KIAA1217: variants seen among roughly 807,000 people sequenced by gnomAD.
KIAA1217 encodes KIAA1217.
KIAA1217 carries 88 observed loss-of-function variants against 163.9 expected under a neutral mutation model. The ratio of observed to expected loss-of-function variants is 0.54; its 90% CI spans 0.45 to 0.64. KIAA1217 has a LOEUF of 0.64. KIAA1217 is among the 30% of genes least tolerant of loss of function. KIAA1217 has a pLI of 0.00. For synonymous variants in KIAA1217, 903 were observed against 923.1 expected (o/e 0.98, Z 0.39); for missense variants, 2,372 against 2,475.0 (o/e 0.96, Z 0.88).
chr10:24,068,127 C>T (rs1589378174), intron 2 of KIAA1217, among the ~76,000 whole-genome samples: 1 of 152,346 alleles, frequency 6.6e-6, no homozygotes, highest in African/African-American at 2.4e-5. Context: ...TCCGCTCATG[C>T]ATGGTGCACT....
chr10:24,544,340 T>C lies in KIAA1217; in HGVS notation c.5070T>C (p.Asp1690=). 1.2e-6 allele frequency: 2 copies of C among 1,614,168 alleles called. No individual in the cohort carries two copies. Among genetic ancestry groups the C allele is most frequent in the Non-Finnish European group, 1.7e-6 (2 of 1,180,026 alleles). Residue 1690 remains aspartate, a synonymous_variant, in exon 19 of 21, where the codon GAT becomes GAC. Transcript: ENST00000376454. ...ISEMSPKALV[D]TSCSSNRDSV... is the part of the protein sequence containing the mutation. ...AAATGAGTCCCAAAGCCCTAGTTGATACCTCATGTTCTTCCAACAGAGATT... is the reference window on the plus strand; with the variant it reads ...AAATGAGTCCCAAAGCCCTAGTTGACACCTCATGTTCTTCCAACAGAGATT...
At chr10:24,161,669 G>C (rs2065126584) in intron 2 of KIAA1217, among the ~76,000 whole-genome samples, 1 of 152,216 alleles carries the variant, frequency 6.6e-6, no homozygotes, top group African/African-American at 2.4e-5. Flanking sequence ...AGTCTAGGTT[G>C]AGTTGACGCT....
chr10:23,853,416 CA>C (rs573086596), intron 1 of KIAA1217, among the ~76,000 whole-genome samples: 43 of 152,230 alleles, frequency 2.8e-4, no homozygotes, highest in African/African-American at 1.0e-3. Flanking sequence ...TTCGGTTTGT[CA>C]GTATTTTATT....
Position 24,088,256 on chromosome 10 carries a change from C to CATATAT in KIAA1217, c.-171+80896_-171+80901dup, listed in dbSNP as rs758367708. Among the ~76,000 whole-genome samples the CATATAT allele has an allele frequency of 2.0e-4, 19 of 95,858 alleles. 3 individuals carry two copies. Among genetic ancestry groups the CATATAT allele is most frequent in the African/African-American group, 4.7e-4 (14 of 29,808 alleles). 62.9% of individuals were successfully genotyped at this position (95,858 alleles called of 152,430 possible). A position where few individuals can be genotyped will look rare whatever the true frequency, so the allele number is the denominator to read the frequency against. On this transcript the variant is annotated intron_variant, in intron 2 of 18. Transcript: ENST00000376462. The stretch of plus-strand genomic sequence containing the variant: ...TCCCAGGCTCTGTTTTTTTAATATA[C>CATATAT]ATATATATATATATATATACACACA...
rs1837353561 is a variant in KIAA1217, at chr10:23,713,002, A to G, written c.-321+17768A>G. Among the ~76,000 whole-genome samples, 4 of 152,222 alleles carry G rather than the reference A, an allele frequency of 2.6e-5. No individual in the cohort carries two copies. In the South Asian group the frequency reaches 8.3e-4, roughly 32 times the overall value. Reference sequence around the variant, plus strand: ...AATGCGGCTTGCAGGCATTTGGTTCAGTGTGGAGTCTCAGAGGGTGAAAGT... The same window carrying G: ...AATGCGGCTTGCAGGCATTTGGTTCGGTGTGGAGTCTCAGAGGGTGAAAGT... On this transcript the variant is annotated intron_variant, in intron 1 of 18. Coordinates refer to the KIAA1217 transcript ENST00000376462.
intron 1 of KIAA1217, among the ~76,000 whole-genome samples, chr10:23,883,611 T>A (rs1288238579): frequency 2.0e-5 from 3 of 151,966 alleles, no homozygotes; most frequent in Non-Finnish European, 4.4e-5. Context: ...TTAAAATCAA[T>A]GAACCTACAT....
chr10:23,845,050 C>G (rs1354131796), intron 1 of KIAA1217, among the ~76,000 whole-genome samples: 1 of 152,154 alleles, frequency 6.6e-6, no homozygotes, highest in African/African-American at 2.4e-5. Flanking sequence ...ATCCATGTCC[C>G]TGCAAAGAAC....
At chr10:23,948,014 G>A (rs887425589) in intron 1 of KIAA1217, among the ~76,000 whole-genome samples, 4 of 152,132 alleles carry the variant, frequency 2.6e-5, no homozygotes, top group Non-Finnish European at 4.4e-5. Context: ...AATCTGATAT[G>A]TTATCTGAGT....
Position 24,524,747 on chromosome 10 carries a change from AGGG to A in KIAA1217, c.2882_2884del (p.Arg961_Ala962delinsThr). ...AATCCACAGTGTGAGTGCCAAGAAC[AGGG>A]CAGTGTCTATCGAGGTAGAGTCCTA... is the stretch of plus-strand genomic sequence containing the variant. On this transcript the variant is annotated inframe_deletion, in exon 13 of 21. Transcript: ENST00000376454. 6.3e-7 allele frequency: 1 copy of A among 1,596,710 alleles called. No homozygotes were observed. The highest frequency in any genetic ancestry group is 8.6e-7 in the Non-Finnish European group (1 of 1,167,188).
chr10:23,704,314 T>C (rs1836738329), intron 1 of KIAA1217, among the ~76,000 whole-genome samples: 2 of 149,168 alleles, frequency 1.3e-5, no homozygotes, highest in East Asian at 3.9e-4. Context: ...ATTCTTATAG[T>C]GTACAATTCA....
rs201363127 is a variant in KIAA1217 at position 24,457,364 on chromosome 10, A to G, written c.847-15864A>G. Among the ~76,000 whole-genome samples, 12 of 129,050 alleles carry G rather than the reference A, an allele frequency of 9.3e-5. No homozygotes were observed. In the East Asian group the frequency reaches 1.7e-3, roughly 18 times the overall value. 84.7% of individuals were successfully genotyped at this position (129,050 alleles called of 152,430 possible). A position where few individuals can be genotyped will look rare whatever the true frequency, so the allele number is the denominator to read the frequency against. ...TTGTTTTGTGTGTGTGTGTGTGTGTATGTGTGTGTGGGTGGCGGGGTTTGG... is the reference window on the plus strand; with the variant it reads ...TTGTTTTGTGTGTGTGTGTGTGTGTGTGTGTGTGTGGGTGGCGGGGTTTGG... On this transcript the variant is annotated intron_variant, in intron 5 of 20. Coordinates refer to ENST00000376454, the MANE Select transcript of KIAA1217 (RefSeq NM_019590.5).
chr10:24,209,563 AAGC>A (rs2067809416), intron 1 of KIAA1217, among the ~76,000 whole-genome samples: 1 of 152,180 alleles, frequency 6.6e-6, no homozygotes, highest in Non-Finnish European at 1.5e-5. Flanking sequence ...ATAAATCACT[AAGC>A]AGCTTTTAAT....
chr10:23,854,453 G>A (rs775012217), intron 1 of KIAA1217, among the ~76,000 whole-genome samples: 8 of 152,170 alleles, frequency 5.3e-5, no homozygotes, highest in East Asian at 3.9e-4. Flanking sequence ...CAATTTTGGA[G>A]TAGGTGTGGT....
At chr10:24,327,445 C>T (rs2045065761) in intron 2 of KIAA1217, among the ~76,000 whole-genome samples, 1 of 152,084 alleles carries the variant, frequency 6.6e-6, no homozygotes, top group Admixed American at 6.6e-5. Flanking sequence ...TGCTATGTGC[C>T]TGACATGTAT....
intron 1 of KIAA1217, among the ~76,000 whole-genome samples, chr10:23,777,126 G>A (rs958005512): frequency 6.6e-6 from 1 of 152,210 alleles, no homozygotes; most frequent in South Asian, 2.1e-4. Flanking sequence ...TCAGTGAAAA[G>A]CTGGGAATAG....
intron 1 of KIAA1217, among the ~76,000 whole-genome samples, chr10:23,769,956 C>T (rs1345444886): frequency 6.6e-6 from 1 of 152,186 alleles, no homozygotes; most frequent in African/African-American, 2.4e-5. Flanking sequence ...GGACTCAGTT[C>T]CCTTTTAACT....
intron 2 of KIAA1217, among the ~76,000 whole-genome samples, chr10:24,188,511 C>G (rs772206104): frequency 1.3e-5 from 2 of 152,142 alleles, no homozygotes; most frequent in Non-Finnish European, 2.9e-5. Flanking sequence ...ACACCTGATT[C>G]AGTGATTATT....
chr10:24,046,853 T>A (rs1040235607), intron 2 of KIAA1217, among the ~76,000 whole-genome samples: 6 of 152,294 alleles, frequency 3.9e-5, no homozygotes, highest in African/African-American at 1.4e-4. Flanking sequence ...TACTTGCACA[T>A]TTCACCGTGA....
rs180889915 is a variant in KIAA1217 at position 24,467,049 on chromosome 10, T to G, written c.847-6179T>G. On this transcript the variant is annotated intron_variant, in intron 5 of 20. Coordinates refer to ENST00000376454, the MANE Select transcript of KIAA1217 (RefSeq NM_019590.5). Reference sequence around the variant, plus strand: ...TTAAACAAATATTTTTTATACTAGGTTTTTTTTTTCTGGAAACAATTTTAA... The same window carrying G: ...TTAAACAAATATTTTTTATACTAGGGTTTTTTTTTCTGGAAACAATTTTAA... 5.9e-5 allele frequency among the ~76,000 whole-genome samples: 7 copies of G among 119,084 alleles called. No homozygotes were observed. The East Asian group carries it at 1.7e-3, about 29-fold the overall frequency. The allele number at this position is 119,084 out of a possible 152,430, so 78.1% of individuals were successfully genotyped here. A position where few individuals can be genotyped will look rare whatever the true frequency, so the allele number is the denominator to read the frequency against.
Sources: allele counts gnomAD v4.1 joint callset (sites outside exome capture counted in the v4.1 genomes callset), GRCh38; gene constraint gnomAD v4.1.1; transcripts MANE v1.5; gene names NCBI Gene and HGNC (gene_info 2026-07-23, HGNC 2026-07-21).